The following MTUS1 variants were observed in gnomAD, a reference collection of about 807,000 sequenced individuals.
The protein encoded by MTUS1 is microtubule-associated tumor suppressor 1.
Under a neutral mutation model 120.8 loss-of-function variants are expected in MTUS1, and 109 were observed. The observed-to-expected ratio is 0.90, with a 90% CI of 0.77 to 1.06. The LOEUF is 1.06. Ranked by LOEUF, MTUS1 falls within the 50% of genes least tolerant of loss-of-function variation. The pLI is 0.00. For missense variants in MTUS1, 2,210 were observed against 1,486.3 expected, an observed-to-expected ratio of 1.49 and a Z score of -8.01; for synonymous variants, 737 against 550.5, an observed-to-expected ratio of 1.34 and a Z score of -4.74.
intron 3 of MTUS1, among the ~76,000 whole-genome samples, chr8:17,736,751 A>G (rs2046960661): frequency 6.6e-6 from 1 of 151,810 alleles, no homozygotes; most frequent in Non-Finnish European, 1.5e-5. Flanking sequence ...AACCCAGCTA[A>G]TTTTTGTATG....
At chr8:17,665,302 A>C (rs2130487077) in intron 8 of MTUS1, among the ~76,000 whole-genome samples, 1 of 152,346 alleles carries the variant, frequency 6.6e-6, no homozygotes, top group East Asian at 1.9e-4. Context: ...ATCATAAATT[A>C]TTAGGAACTT....
At chr8:17,688,197 C>G (rs7845231) in intron 6 of MTUS1, among the ~76,000 whole-genome samples, 3 of 152,048 alleles carry the variant, frequency 2.0e-5, no homozygotes, top group African/African-American at 7.3e-5. Context: ...TGTATACTCA[C>G]TGACCTACTC....
intron 6 of MTUS1, among the ~76,000 whole-genome samples, chr8:17,704,892 A>G (rs1053738394): frequency 6.7e-6 from 1 of 148,252 alleles, no homozygotes; most frequent in African/African-American, 2.5e-5. Flanking sequence ...AGTTGTCTTT[A>G]TCTTGCTGAT....
At chr8:17,792,744 G>C (rs140645756) in intron 1 of MTUS1, among the ~76,000 whole-genome samples, 2 of 152,262 alleles carry the variant, frequency 1.3e-5, no homozygotes, top group African/African-American at 4.8e-5. Context: ...CATACCTGTA[G>C]TGCCAGGTAC....
chr8:17,751,947 CA>C (rs1418853816), intron 2 of MTUS1, among the ~76,000 whole-genome samples: 6 of 147,676 alleles, frequency 4.1e-5, no homozygotes, highest in African/African-American at 1.5e-4. Context: ...GAATATGGGA[CA>C]ATCTTTCAAG....
chr8:17,702,908 T>A (rs1314257664), intron 6 of MTUS1, among the ~76,000 whole-genome samples: 1 of 152,198 alleles, frequency 6.6e-6, no homozygotes, highest in East Asian at 1.9e-4. Flanking sequence ...TTCATGGACA[T>A]TTATCACTTC....
chr8:17,662,648 C>T (rs1810008479), intron 8 of MTUS1, among the ~76,000 whole-genome samples: 1 of 151,986 alleles, frequency 6.6e-6, no homozygotes, highest in African/African-American at 2.4e-5. Flanking sequence ...GCCACTGTGC[C>T]TGGCCTCTGT....
chr8:17,715,657 G>T, intron 5 of MTUS1, 110 bp downstream of exon 5: 2 of 1,101,266 alleles, frequency 1.8e-6, no homozygotes, highest in East Asian at 2.5e-5. Context: ...CAACATATTT[G>T]TAATCATTGT....
At chr8:17,720,332 C>A (rs1412238484) in intron 4 of MTUS1, among the ~76,000 whole-genome samples, 1 of 148,734 alleles carries the variant, frequency 6.7e-6, no homozygotes, top group African/African-American at 2.5e-5. Flanking sequence ...GCGACAAGAG[C>A]GAAACTCCAT....
At chr8:17,749,890 T>C (rs1470953830) in intron 2 of MTUS1, among the ~76,000 whole-genome samples, 1 of 152,182 alleles carries the variant, frequency 6.6e-6, no homozygotes, top group Non-Finnish European at 1.5e-5. Context: ...CATGGGCCAC[T>C]GGTCACTCAT....
At chr8:17,773,144 A>C (rs2050139256) in intron 1 of MTUS1, among the ~76,000 whole-genome samples, 1 of 152,216 alleles carries the variant, frequency 6.6e-6, no homozygotes, top group East Asian at 1.9e-4. Flanking sequence ...AAGAGGAAAA[A>C]AGATATACAG....
chr8:17,679,694 G>C (rs1415805195), intron 7 of MTUS1, among the ~76,000 whole-genome samples: 3 of 151,876 alleles, frequency 2.0e-5, no homozygotes, highest in African/African-American at 7.3e-5. Context: ...GTAGAGACAG[G>C]GTTTCGCCAT....
intron 10 of MTUS1, chr8:17,654,153 T>C (rs557723235): frequency 1.9e-4 from 35 of 187,420 alleles, no homozygotes; most frequent in African/African-American, 6.8e-4. Context: ...AGATGAAAAA[T>C]AGAAAAGACT....
chr8:17,693,991 A>C (rs965058156), intron 6 of MTUS1, among the ~76,000 whole-genome samples: 1 of 152,244 alleles, frequency 6.6e-6, no homozygotes, highest in African/African-American at 2.4e-5. Context: ...AGCCCAGTCA[A>C]CATCTTAGGC....
At chr8:17,706,967 A>G (rs918592463) in intron 6 of MTUS1, among the ~76,000 whole-genome samples, 8 of 152,224 alleles carry the variant, frequency 5.3e-5, no homozygotes, top group Non-Finnish European at 1.2e-4. Context: ...ATTAAAAGTG[A>G]TTATTTTACT....
intron 6 of MTUS1, chr8:17,697,372 C>T (rs775633217): frequency 6.2e-7 from 1 of 1,614,036 alleles, no homozygotes; most frequent in Non-Finnish European, 8.5e-7. Flanking sequence ...TGGGAGACAA[C>T]AACATGTCTT....
intron 7 of MTUS1, among the ~76,000 whole-genome samples, chr8:17,677,291 A>G (rs1038160998): frequency 6.6e-6 from 1 of 152,230 alleles, no homozygotes; most frequent in African/African-American, 2.4e-5. Context: ...ATCTACTTCA[A>G]GTAAACACCA....
intron 3 of MTUS1, among the ~76,000 whole-genome samples, chr8:17,727,019 A>G (rs1044280795): frequency 1.3e-5 from 2 of 152,168 alleles, no homozygotes; most frequent in African/African-American, 2.4e-5. Context: ...ACCTTCACAC[A>G]GCTGCACTAG....
chr8:17,782,689 T>A (rs2050964982), intron 1 of MTUS1, among the ~76,000 whole-genome samples: 1 of 152,224 alleles, frequency 6.6e-6, no homozygotes, highest in South Asian at 2.1e-4. Context: ...AACTTGGATT[T>A]TGTAAAGAAT....
Sources: gnomAD v4.1 joint callset for allele counts (sites outside exome capture counted in the v4.1 genomes callset) on GRCh38, gnomAD v4.1.1 for gene constraint, MANE v1.5 for transcripts, NCBI Gene and HGNC (gene_info 2026-07-23, HGNC 2026-07-21) for gene names.